The following CSMD2 variants were observed in gnomAD, a reference collection of about 807,000 sequenced individuals.
The protein encoded by CSMD2 is CUB and sushi domain-containing protein 2.
Under a neutral mutation model 398.5 loss-of-function variants are expected in CSMD2, and 130 were observed. The observed-to-expected ratio is 0.33, with a 90% CI of 0.28 to 0.38. The LOEUF (loss-of-function observed/expected upper bound fraction) is 0.38, where lower values mean the gene tolerates loss of function less well. Ranked by LOEUF, CSMD2 falls within the 10% of genes least tolerant of loss-of-function variation. The pLI is 1.00. For missense variants in CSMD2, 3,829 were observed against 4,764.9 expected (o/e 0.80, Z 5.78); for synonymous variants, 1,828 against 1,908.5 (o/e 0.96, Z 1.10).
intron 4 of CSMD2, among the ~76,000 whole-genome samples, chr1:33,935,034 A>AAAAG (rs1334482998): frequency 1.3e-5 from 2 of 151,240 alleles, no homozygotes; most frequent in Non-Finnish European, 2.9e-5. Context: ...AAAAAAAGAA[A>AAAAG]AAAGAAAAAG....
At chr1:33,536,923 C>A in intron 62 of CSMD2, 99 bp downstream of exon 62, 1 of 1,176,202 alleles carries the variant, frequency 8.5e-7, no homozygotes, top group South Asian at 1.3e-5. Flanking sequence ...CTTGTCCTCC[C>A]TGAGTGCTGT....
intron 1 of CSMD2, among the ~76,000 whole-genome samples, chr1:34,153,800 A>G (rs1640551115): frequency 6.6e-6 from 1 of 152,208 alleles, no homozygotes; most frequent in Admixed American, 6.5e-5. Flanking sequence ...CCAGCCCTGC[A>G]AGGGAGTGGG....
rs377152497 is a variant in CSMD2, at chr1:33,602,515, G to A, written c.6564C>T (p.Asn2188=). 8.4e-5 allele frequency: 134 copies of A among 1,593,552 alleles called. No individual in the cohort carries two copies. The highest frequency in any genetic ancestry group is 1.7e-4 in the Middle Eastern group (1 of 5,944). The change falls in exon 43 of 71, where the codon AAC becomes AAT. Residue 2188 remains asparagine (N), a synonymous_variant. Transcript: ENST00000373381. ...GGAACCCCGGGGAGTACACAGTGCC[G>A]TTGGAAGAAGTGATGTTCCCGCCAC... ...VPCGGNITSS[N]GTVYSPGFPS...
Position 33,638,651 on chromosome 1 carries a change from T to G in CSMD2, c.4775-2097A>C, listed in dbSNP as rs146720653. The stretch of plus-strand genomic sequence containing the variant: ...GGCCCTGCACATGTGGCCCCAATAG[T>G]CCCCTCTGTGACCTCAGCTCCTGTC... On this transcript the variant is annotated intron_variant, in intron 29 of 70. Coordinates refer to ENST00000373381, the MANE Select transcript of CSMD2 (RefSeq NM_001281956.2). Among the ~76,000 whole-genome samples, 929 of 152,308 alleles carry G rather than the reference T, an allele frequency of 6.1e-3. 17 individuals are homozygous for G. Among genetic ancestry groups the G allele is most frequent in the African/African-American group, 0.02 (850 of 41,566 alleles).
rs1047625458 is a variant in CSMD2, at chr1:33,519,074, C to T, written c.*53+391G>A. Among the ~76,000 whole-genome samples the T allele has an allele frequency of 2.0e-5, 3 of 152,142 alleles. No homozygotes were observed. The highest frequency in any genetic ancestry group is 4.4e-5 in the Non-Finnish European group (3 of 68,034). ...TATATATCCAGTTGGTTCTGTTTCT[C>T]TAGAGAGAAACAGACTAGTACATGC... On this transcript the variant is annotated intron_variant, in intron 70 of 70. Coordinates refer to ENST00000373381, the MANE Select transcript of CSMD2 (RefSeq NM_001281956.2). The surrounding 1 kb of genome is among the most constrained non-coding windows in gnomAD (Gnocchi z 5.6).
At chr1:34,091,503 T>A (rs1361473129) in intron 1 of CSMD2, among the ~76,000 whole-genome samples, 2 of 152,196 alleles carry the variant, frequency 1.3e-5, no homozygotes, top group Non-Finnish European at 2.9e-5. Flanking sequence ...CCACTTCGAA[T>A]CCATTTTCTT....
chr1:33,998,534 T>C (rs1218145890), intron 3 of CSMD2, among the ~76,000 whole-genome samples: 1 of 152,194 alleles, frequency 6.6e-6, no homozygotes, highest in Non-Finnish European at 1.5e-5. Flanking sequence ...TTCGTTAACT[T>C]TGCTGCTTTT....
At chr1:33,608,996 C>T (rs565249997) in intron 41 of CSMD2, among the ~76,000 whole-genome samples, 4 of 152,328 alleles carry the variant, frequency 2.6e-5, no homozygotes, top group South Asian at 4.1e-4. Flanking sequence ...CACGGCCATC[C>T]GACGCGTCAT....
At chr1:33,731,087 T>G (rs1646702556) in intron 15 of CSMD2, among the ~76,000 whole-genome samples, 1 of 152,166 alleles carries the variant, frequency 6.6e-6, no homozygotes, top group Non-Finnish European at 1.5e-5. Flanking sequence ...GAGCATTAAT[T>G]AGAACAAACT....
At chr1:33,582,733 G>A (rs1318093896) in intron 47 of CSMD2, among the ~76,000 whole-genome samples, 1 of 152,192 alleles carries the variant, frequency 6.6e-6, no homozygotes, top group Non-Finnish European at 1.5e-5. Flanking sequence ...ATGAAGGGTG[G>A]TTTTGGGAAT....
rs35169078 is a variant in CSMD2 at position 33,714,698 on chromosome 1, C to T, written c.3295G>A (p.Asp1099Asn). The T allele has an allele frequency of 2.9e-5, 47 of 1,614,128 alleles. No homozygotes were observed. The highest frequency in any genetic ancestry group is 3.6e-5 in the Non-Finnish European group (43 of 1,180,040). ...GGGAAGCAGGAGAAGGTCAAGGTGT[C>T]GCCCACGCCAAACTGCAAGCCCTTC... The part of the protein sequence containing the change: ...IRKGLQFGVG[D>N]TLTFSCFPGY... Residue 1099 changes from aspartate (D) to asparagine (N), a missense_variant, in exon 21 of 71, where the codon GAC (aspartate) becomes AAC (asparagine). Physicochemically the swap from Asp to Asn is conservative, Grantham distance 23. Transcript: ENST00000373381.
intron 5 of CSMD2, among the ~76,000 whole-genome samples, chr1:33,881,285 C>G (rs1401406489): frequency 6.6e-6 from 1 of 152,076 alleles, no homozygotes; most frequent in Non-Finnish European, 1.5e-5. Context: ...GGGGTTCCCA[C>G]AAATGTTGAA....
chr1:33,633,618 G>T lies in CSMD2; in HGVS notation c.5087-83C>A. ...TCTAGGGGTCTAGGGGCCCAAGCCA[G>T]GAGGAGGGCAGCCCTGGGGAAGTTG... On this transcript the variant is annotated intron_variant, in intron 31 of 70. Transcript: ENST00000373381. The surrounding 1 kb of genome is among the most constrained non-coding windows in gnomAD (Gnocchi z 5.0). 9.9e-7 allele frequency: 1 copy of T among 1,010,414 alleles called. No individual in the cohort carries two copies. 62.6% of individuals were successfully genotyped at this position (1,010,414 alleles called of 1,614,324 possible).
At chr1:33,612,000 T>C (rs535867159) in intron 40 of CSMD2, among the ~76,000 whole-genome samples, 1 of 152,176 alleles carries the variant, frequency 6.6e-6, no homozygotes, top group Non-Finnish European at 1.5e-5. Flanking sequence ...AGATGACAAA[T>C]AGTATGCTGT....
chr1:33,543,604 T>C (rs1391425250), intron 57 of CSMD2, among the ~76,000 whole-genome samples: 1 of 152,236 alleles, frequency 6.6e-6, no homozygotes, highest in South Asian at 2.1e-4. Flanking sequence ...TAATGTGGCA[T>C]TATGAAGTTT....
chr1:33,580,683 G>A (rs1454881262), intron 48 of CSMD2, 70 bp downstream of exon 48: 22 of 1,558,746 alleles, frequency 1.4e-5, no homozygotes, highest in Middle Eastern at 1.9e-4. Flanking sequence ...TGGCCGCCCG[G>A]TCTCCACAGA....
At chr1:33,804,914 G>A (rs1323885423) in intron 10 of CSMD2, 1 of 717,084 alleles carries the variant, frequency 1.4e-6, no homozygotes, top group Non-Finnish European at 2.6e-6. Flanking sequence ...TCAGGATAGG[G>A]TTCTCTTCAG....
chr1:34,092,581 C>A (rs1410401504), intron 1 of CSMD2, among the ~76,000 whole-genome samples: 2 of 152,096 alleles, frequency 1.3e-5, no homozygotes, highest in Non-Finnish European at 2.9e-5. Context: ...CAGGGCGAGG[C>A]ATTGCCTCAC....
chr1:34,024,528 T>C (rs1194565947), intron 3 of CSMD2, among the ~76,000 whole-genome samples: 2 of 152,240 alleles, frequency 1.3e-5, no homozygotes, highest in Non-Finnish European at 2.9e-5. Context: ...TCTCCACTTA[T>C]TGAGAAGTGC....
Sources: gnomAD v4.1 joint callset for allele counts (sites outside exome capture counted in the v4.1 genomes callset) on GRCh38, gnomAD v4.1.1 for gene constraint, Gnocchi (gnomAD v3.1) non-coding constraint, MANE v1.5 for transcripts, NCBI Gene and HGNC (gene_info 2026-07-23, HGNC 2026-07-21) for gene names.